The following ARHGAP42 variants were observed in gnomAD, a reference collection of about 807,000 sequenced individuals.
ARHGAP42 encodes the protein Rho GTPase activating protein 42.
Under a neutral mutation model 125.0 loss-of-function variants are expected in ARHGAP42, and 63 were observed. The ratio of observed to expected loss-of-function variants is 0.50; its 90% CI spans 0.41 to 0.62. ARHGAP42 has a LOEUF of 0.62. ARHGAP42 is among the 20% of genes least tolerant of loss of function. The pLI is 0.00. For synonymous variants in ARHGAP42, 339 were observed against 351.0 expected (o/e 0.97, Z 0.38); for missense variants, 766 against 1,024.2 (o/e 0.75, Z 3.44).
chr11:100,922,891 A>G (rs1175512647), intron 6 of ARHGAP42, among the ~76,000 whole-genome samples: 1 of 152,224 alleles, frequency 6.6e-6, no homozygotes, highest in African/African-American at 2.4e-5. Flanking sequence ...AGAAAGATTA[A>G]GGAACTGAAG....
chr11:100,689,323 T>A (rs1011181282), intron 1 of ARHGAP42, among the ~76,000 whole-genome samples: 1 of 152,242 alleles, frequency 6.6e-6, no homozygotes, highest in Admixed American at 6.5e-5. Flanking sequence ...GGGACTAACC[T>A]CTTTGCATCT....
At chr11:100,961,816 C>A in intron 15 of ARHGAP42, 48 bp downstream of exon 15, 1 of 1,458,340 alleles carries the variant, frequency 6.9e-7, no homozygotes. Context: ...CTCTGACTCA[C>A]CCCTTGAGTA....
chr11:100,702,549 A>C (rs1238801824), intron 1 of ARHGAP42, among the ~76,000 whole-genome samples: 1 of 149,268 alleles, frequency 6.7e-6, no homozygotes, highest in East Asian at 1.9e-4. Flanking sequence ...GCAGTGTTGT[A>C]AAAAACCTTC....
At chr11:100,872,224 ATTAT>A (rs1865714623) in intron 4 of ARHGAP42, among the ~76,000 whole-genome samples, 1 of 152,182 alleles carries the variant, frequency 6.6e-6, no homozygotes, top group Non-Finnish European at 1.5e-5. Flanking sequence ...GATCAGTAAA[ATTAT>A]TTATCTTCTT....
chr11:100,883,720 G>C (rs1420610030), intron 4 of ARHGAP42, among the ~76,000 whole-genome samples: 1 of 152,048 alleles, frequency 6.6e-6, no homozygotes, highest in Non-Finnish European at 1.5e-5. Context: ...AAAACTAAAG[G>C]GTTTAGAAGC....
At chr11:100,884,088 C>T (rs1228932618) in intron 4 of ARHGAP42, among the ~76,000 whole-genome samples, 2 of 152,114 alleles carry the variant, frequency 1.3e-5, no homozygotes, top group African/African-American at 2.4e-5. Flanking sequence ...TCATTCTTTT[C>T]ATTTGTACTA....
rs373059302 is a variant in ARHGAP42 at position 100,837,666 on chromosome 11, C to CT, written c.313-21857dup. 5.4e-3 allele frequency among the ~76,000 whole-genome samples: 327 copies of CT among 60,952 alleles called. 23 individuals are homozygous for CT. The highest frequency in any genetic ancestry group is 0.019 in the African/African-American group (266 of 14,110). The allele number at this position is 60,952 out of a possible 152,430, so 40.0% of individuals were successfully genotyped here. A position where few individuals can be genotyped will look rare whatever the true frequency, so the allele number is the denominator to read the frequency against. ...CAGTTCCCAGAATCTAGGTGTCATC[C>CT]TTTTTTTTTTTTTTTTTTTTTTTTT... is the stretch of plus-strand genomic sequence containing the variant. On this transcript the variant is annotated intron_variant, in intron 3 of 23. Coordinates refer to ENST00000298815, the MANE Select transcript of ARHGAP42 (RefSeq NM_152432.4).
intron 3 of ARHGAP42, among the ~76,000 whole-genome samples, chr11:100,835,025 A>C (rs1854590735): frequency 6.6e-6 from 1 of 152,058 alleles, no homozygotes; most frequent in African/African-American, 2.4e-5. Flanking sequence ...TCTGAGTGAA[A>C]TAATGTTTTA....
At chr11:100,734,429 G>C (rs868527060) in intron 1 of ARHGAP42, among the ~76,000 whole-genome samples, 11 of 151,620 alleles carry the variant, frequency 7.3e-5, no homozygotes, top group South Asian at 2.1e-4. Flanking sequence ...ACAGGCATGC[G>C]CCACCATGCC....
At chr11:100,826,065 G>GTT (rs201860390) in intron 3 of ARHGAP42, among the ~76,000 whole-genome samples, 1 of 151,704 alleles carries the variant, frequency 6.6e-6, no homozygotes, top group Admixed American at 6.6e-5. Flanking sequence ...GTAAAATGCT[G>GTT]TTTTTTTTCT....
At chr11:100,897,754 G>A (rs967594907) in intron 4 of ARHGAP42, among the ~76,000 whole-genome samples, 2 of 152,182 alleles carry the variant, frequency 1.3e-5, no homozygotes, top group African/African-American at 2.4e-5. Flanking sequence ...AGACGATGGG[G>A]TTTTCTAAGT....
chr11:100,716,910 G>C (rs1861671031), intron 1 of ARHGAP42, among the ~76,000 whole-genome samples: 1 of 152,240 alleles, frequency 6.6e-6, no homozygotes, highest in Middle Eastern at 3.4e-3. Flanking sequence ...AGAGCCCCTT[G>C]ACTGAAGGAG....
intron 1 of ARHGAP42, among the ~76,000 whole-genome samples, chr11:100,710,349 C>T (rs941852313): frequency 1.7e-4 from 25 of 151,494 alleles, no homozygotes; most frequent in African/African-American, 5.8e-4. Context: ...GCGTCAGCCT[C>T]CTGAGAAGCT....
At chr11:100,764,250 T>A (rs1862779405) in intron 1 of ARHGAP42, among the ~76,000 whole-genome samples, 1 of 151,708 alleles carries the variant, frequency 6.6e-6, no homozygotes, top group South Asian at 2.1e-4. Flanking sequence ...ATTTCAACTC[T>A]TGGCTCCAAG....
chr11:100,902,905 C>T (rs1419465058), intron 4 of ARHGAP42, among the ~76,000 whole-genome samples: 6 of 152,042 alleles, frequency 3.9e-5, no homozygotes, highest in East Asian at 1.9e-4. Context: ...ATGGGAATGA[C>T]GTGGAAGATA....
At chr11:100,935,369 TTAA>T (rs1867704909) in intron 7 of ARHGAP42, among the ~76,000 whole-genome samples, 1 of 152,178 alleles carries the variant, frequency 6.6e-6, no homozygotes, top group African/African-American at 2.4e-5. Flanking sequence ...CACTCACCTC[TTAA>T]TAATACCTTT....
At chr11:100,697,614 G>A (rs1051647098) in intron 1 of ARHGAP42, among the ~76,000 whole-genome samples, 1 of 152,176 alleles carries the variant, frequency 6.6e-6, no homozygotes, top group African/African-American at 2.4e-5. Flanking sequence ...CCAAATGAAA[G>A]ACCCAGGTTC....
intron 4 of ARHGAP42, among the ~76,000 whole-genome samples, chr11:100,907,520 A>T (rs1866772381): frequency 6.6e-6 from 1 of 152,014 alleles, no homozygotes; most frequent in Non-Finnish European, 1.5e-5. Context: ...CAGATGGGGG[A>T]GTTGGTGGAG....
At chr11:100,950,540 G>C (rs1174690759) in intron 12 of ARHGAP42, among the ~76,000 whole-genome samples, 2 of 151,470 alleles carry the variant, frequency 1.3e-5, no homozygotes. Context: ...GTATATGTTG[G>C]AAAAGATGTT....
Sources: allele counts gnomAD v4.1 joint callset (sites outside exome capture counted in the v4.1 genomes callset), GRCh38; gene constraint gnomAD v4.1.1; transcripts MANE v1.5; gene names NCBI Gene and HGNC (gene_info 2026-07-23, HGNC 2026-07-21).